Variants in HELLS observed in about 807,000 individuals in gnomAD.
HELLS encodes helicase, lymphoid specific.
A neutral mutation model predicts 120.0 loss-of-function variants in HELLS; 32 were observed. The ratio of observed to expected loss-of-function variants is 0.27; its 90% CI spans 0.20 to 0.36. The LOEUF is 0.36. HELLS is among the 10% of genes least tolerant of loss of function. The pLI is 1.00. For synonymous variants in HELLS, 341 were observed against 323.4 expected, an observed-to-expected ratio of 1.05 and a Z score of -0.58; for missense variants, 650 against 993.4, an observed-to-expected ratio of 0.65 and a Z score of 4.65.
At chr10:94,571,869 T>G (rs1302871600) in intron 7 of HELLS, among the ~76,000 whole-genome samples, 1 of 152,220 alleles carries the variant, frequency 6.6e-6, no homozygotes, top group Non-Finnish European at 1.5e-5. Context: ...CCATTTCATG[T>G]AGAGAGGTTC....
rs535488814 is a variant in HELLS at position 94,545,858 on chromosome 10, A to C, written c.-64A>C. On this transcript the variant is annotated 5_prime_UTR_variant, in exon 1 of 22. Transcript: ENST00000348459. ...GGCTGGGCCGGCAGCGGTTGTGAGG[A>C]GTTAGCTCGCGGCATTGCAGGCTCT... 4.0e-6 allele frequency: 6 copies of C among 1,517,970 alleles called. No individual in the cohort carries two copies. Among genetic ancestry groups the C allele is most frequent in the African/African-American group, 2.8e-5 (2 of 72,330 alleles). 94.0% of individuals were successfully genotyped at this position (1,517,970 alleles called of 1,614,324 possible).
At chr10:94,592,136 G>C (rs957437222) in intron 15 of HELLS, 93 bp from the exon 16 acceptor site, 2 of 888,860 alleles carry the variant, frequency 2.3e-6, no homozygotes, top group Admixed American at 5.2e-5. Context: ...TAAGTGACTT[G>C]GCTTTGAAAA....
rs1462903619 is a variant in HELLS, at chr10:94,590,621, A to G, written c.1629-17A>G. On this transcript the variant is annotated splice_polypyrimidine_tract_variant and intron_variant, in intron 14 of 21. Coordinates refer to ENST00000348459, the MANE Select transcript of HELLS (RefSeq NM_018063.5). ...CATTTTTTGCATTTCCCATATATGC[A>G]TTATTTGTTTTGGTAGAGCTGTTGT... 5 of 1,606,806 alleles carry G rather than the reference A, an allele frequency of 3.1e-6. No individual in the cohort carries two copies. The highest frequency in any genetic ancestry group is 4.2e-6 in the Non-Finnish European group (5 of 1,178,364).
chr10:94,606,630 A>G (rs1564624144), downstream of HELLS, among the ~76,000 whole-genome samples: 1 of 152,112 alleles, frequency 6.6e-6, no homozygotes, highest in Non-Finnish European at 1.5e-5. Context: ...TATTATATGT[A>G]TGAGCCACCA....
intron 3 of HELLS, among the ~76,000 whole-genome samples, 189 bp downstream of exon 3, chr10:94,554,437 A>G (rs1843141690): frequency 6.6e-6 from 1 of 152,154 alleles, no homozygotes. Context: ...ATGAACTCCA[A>G]AAAATTGTCT....
chr10:94,570,248 C>A (rs1844073644), intron 6 of HELLS: 1 of 151,628 alleles, frequency 6.6e-6, no homozygotes, highest in African/African-American at 2.4e-5. Context: ...CACCATGTTG[C>A]CCATGCTTGA....
intron 7 of HELLS, among the ~76,000 whole-genome samples, chr10:94,572,527 A>C (rs1844227685): frequency 6.6e-6 from 1 of 152,074 alleles, no homozygotes; most frequent in Admixed American, 6.5e-5. Context: ...GTTTCTTCTT[A>C]TTGACTAGTA....
intron 7 of HELLS, among the ~76,000 whole-genome samples, chr10:94,572,703 ATTG>A (rs1238718514): frequency 6.6e-6 from 1 of 152,194 alleles, no homozygotes; most frequent in African/African-American, 2.4e-5. Context: ...TGGGAATGGT[ATTG>A]TTGTGTTACG....
In HELLS at chr10:94,588,247, T is replaced by C. The variant is rs1317830811; in HGVS notation, c.1345T>C (p.Leu449=). 2 of 1,597,466 alleles carry C rather than the reference T, an allele frequency of 1.3e-6. No homozygotes were observed. The highest frequency in any genetic ancestry group is 1.3e-5 in the African/African-American group (1 of 74,242). The stretch of plus-strand genomic sequence containing the variant: ...ATTTTAGATTTTAACACCTTTCTTA[T>C]TGAGAAGACTGAAGTCTGATGTTGC... ...MLHQILTPFL[L]RRLKSDVALE... Residue 449 remains leucine, a synonymous_variant, in exon 13 of 22, where the codon TTG becomes CTG. Transcript: ENST00000348459.
chr10:94,590,378 A>G, intron 13 of HELLS, 35 bp from the exon 14 acceptor site: 3 of 1,570,928 alleles, frequency 1.9e-6, no homozygotes, highest in Non-Finnish European at 2.6e-6. Context: ...ACATAGCTTT[A>G]TAAACTGAAT....
downstream of HELLS, among the ~76,000 whole-genome samples, chr10:94,602,955 A>G (rs936844357): frequency 1.3e-5 from 2 of 152,050 alleles, no homozygotes; most frequent in African/African-American, 4.8e-5. Flanking sequence ...TCATAGTTTT[A>G]CTCTGTCATT....
downstream of HELLS, among the ~76,000 whole-genome samples, chr10:94,603,887 GTGCAATCTCAGCTGAC>G (rs974488155): frequency 1.3e-5 from 2 of 151,878 alleles, no homozygotes; most frequent in African/African-American, 4.8e-5. Context: ...GAGTGCAGTA[GTGCAATCTCAGCTGAC>G]TGCAATCTCT....
At chr10:94,576,564 AATTAT>A in intron 9 of HELLS, 93 bp from the exon 10 acceptor site, 1 of 641,760 alleles carries the variant, frequency 1.6e-6, no homozygotes, top group Non-Finnish European at 2.4e-6. Context: ...AATTTTTTAA[AATTAT>A]ATTTTTTCCC....
chr10:94,611,157 C>CT (rs1208348581), exon 10 of HELLS: 8 of 152,118 alleles, frequency 5.3e-5, no homozygotes, highest in Admixed American at 5.2e-4. Flanking sequence ...TTTTTGTACT[C>CT]TTAGTTTTAT....
exon 10 of HELLS, chr10:94,609,890 C>G (rs1210913326): frequency 1.3e-5 from 2 of 152,162 alleles, no homozygotes; most frequent in Non-Finnish European, 2.9e-5. Context: ...GAATATTACA[C>G]TACTCAGCAC....
At chr10:94,607,732 C>A (rs1245601249) in intron 8 of HELLS, among the ~76,000 whole-genome samples, 1 of 150,244 alleles carries the variant, frequency 6.7e-6, no homozygotes, top group East Asian at 2.0e-4. Flanking sequence ...TTTTTTTTGT[C>A]TTGTTTTTTT....
At chr10:94,593,665 A>ATTTT in intron 18 of HELLS, 50 bp downstream of exon 18, 1 of 870,182 alleles carries the variant, frequency 1.1e-6, no homozygotes, top group Non-Finnish European at 1.8e-6. Flanking sequence ...TCCATTTTGA[A>ATTTT]TTTTTTTTTT....
chr10:94,590,866 A>C (rs1255579914), intron 15 of HELLS, 90 bp downstream of exon 15: 7 of 690,940 alleles, frequency 1.0e-5, no homozygotes, highest in Non-Finnish European at 1.3e-5. Context: ...ATAATTATTA[A>C]AAATAAGTAT....
At chr10:94,607,678 C>A (rs1846142420) in intron 8 of HELLS, among the ~76,000 whole-genome samples, 1 of 152,088 alleles carries the variant, frequency 6.6e-6, no homozygotes, top group Non-Finnish European at 1.5e-5. Context: ...AATGTCTTAG[C>A]AATGGTATAT....
Sources: gnomAD v4.1 joint callset for allele counts (sites outside exome capture counted in the v4.1 genomes callset) on GRCh38, gnomAD v4.1.1 for gene constraint, MANE v1.5 for transcripts, NCBI Gene and HGNC (gene_info 2026-07-23, HGNC 2026-07-21) for gene names.